CSNK1G2: variants seen among roughly 807,000 people sequenced by gnomAD.
CSNK1G2 encodes casein kinase I isoform gamma-2.
In CSNK1G2, 11 loss-of-function variants were observed where a neutral mutation model predicts 48.0. The observed-to-expected ratio is 0.23, with a 90% CI of 0.14 to 0.38. The LOEUF is 0.38. CSNK1G2 is among the 10% of genes least tolerant of loss of function. The probability of loss-of-function intolerance (pLI) is 1.00; values close to 1 mark genes in which losing one functional copy is unlikely to be tolerated. For synonymous variants in CSNK1G2, 337 were observed against 254.1 expected, an observed-to-expected ratio of 1.33 and a Z score of -3.10; for missense variants, 446 against 595.5, an observed-to-expected ratio of 0.75 and a Z score of 2.61.
intron 2 of CSNK1G2, among the ~76,000 whole-genome samples, chr19:1,973,077 G>C (rs539364041): frequency 6.6e-6 from 1 of 151,436 alleles, no homozygotes; most frequent in Non-Finnish European, 1.5e-5. Flanking sequence ...ACAGCCGCCC[G>C]CCACCACACC....
At chr19:1,967,300 G>A (rs532651156) in intron 1 of CSNK1G2, among the ~76,000 whole-genome samples, 17 of 152,224 alleles carry the variant, frequency 1.1e-4, no homozygotes, top group East Asian at 1.9e-4. Flanking sequence ...TAACATTTTC[G>A]GCGATGGCTG....
chr19:1,961,097 G>A (rs1004196346), intron 1 of CSNK1G2, among the ~76,000 whole-genome samples: 1 of 152,230 alleles, frequency 6.6e-6, no homozygotes, highest in Non-Finnish European at 1.5e-5. Flanking sequence ...CTCTGCGGAA[G>A]TCCCCCTGTC....
At chr19:1,979,424 C>G in intron 8 of CSNK1G2, 21 bp downstream of exon 8, 2 of 1,538,540 alleles carry the variant, frequency 1.3e-6, no homozygotes, top group South Asian at 1.2e-5. Context: ...CCTGCGCCCC[C>G]GCCCTGTGCC....
At chr19:1,952,856 C>T in intron 1 of CSNK1G2, 1 of 396,872 alleles carries the variant, frequency 2.5e-6, no homozygotes, top group Non-Finnish European at 5.0e-6. Flanking sequence ...GTGCCCTTCA[C>T]TCTGCAGCCC....
At position 1,954,354 on chromosome 19, in the gene CSNK1G2, G is replaced by A. The variant is rs530880534; in HGVS notation, c.-266+12936G>A. 216 of 200,864 alleles carry A rather than the reference G, an allele frequency of 1.1e-3. 1 individual carries two copies. Among genetic ancestry groups the A allele is most frequent in the Non-Finnish European group, 4.6e-4 (44 of 94,628 alleles). 12.4% of individuals were successfully genotyped at this position (200,864 alleles called of 1,614,324 possible). On this transcript the variant is annotated intron_variant, in intron 1 of 11. Transcript: ENST00000255641. ...ACCCCTCATTTTCTTTCCTTGGGGT[G>A]CAGATGAATTGGGGTGGCAGGGAAC...
chr19:1,979,452 C>A, intron 8 of CSNK1G2, 43 bp from the exon 9 acceptor site: 4 of 876,848 alleles, frequency 4.6e-6, no homozygotes, highest in South Asian at 1.5e-5. Context: ...CCCCACCCCC[C>A]ACCCCCACCC....
rs755019013 is a variant in CSNK1G2, at chr19:1,978,351, T to TC, written c.228+7dup. 5 of 1,613,026 alleles carry TC rather than the reference T, an allele frequency of 3.1e-6. No individual in the cohort carries two copies. ...AATACGTGGCTATCAAATTGGTGAG[T>TC]CGGCCCCTCCACCCCACCCCCGCTG... is the stretch of plus-strand genomic sequence containing the variant. On this transcript the variant is annotated splice_region_variant and intron_variant, in intron 3 of 11. Coordinates refer to ENST00000255641, the MANE Select transcript of CSNK1G2 (RefSeq NM_001319.7). This position sits in a 1 kb window ranked among gnomAD's most constrained non-coding sequence, Gnocchi z 7.3.
At chr19:1,958,051 A>T (rs1209015901) in intron 1 of CSNK1G2, among the ~76,000 whole-genome samples, 1 of 152,082 alleles carries the variant, frequency 6.6e-6, no homozygotes, top group Non-Finnish European at 1.5e-5. Flanking sequence ...CACTGCCCAC[A>T]TCCTAATGGG....
At chr19:1,953,389 C>T (rs758808386) in intron 1 of CSNK1G2, 8 of 534,098 alleles carry the variant, frequency 1.5e-5, no homozygotes, top group South Asian at 1.1e-4. Flanking sequence ...TTCTCACTTC[C>T]CCCGGAGTCT....
rs2015847104 is a variant in CSNK1G2, at chr19:1,978,589, T to C, written c.299-13T>C. On this transcript the variant is annotated splice_polypyrimidine_tract_variant and intron_variant, in intron 4 of 11. Transcript: ENST00000255641. This position sits in a 1 kb window ranked among gnomAD's most constrained non-coding sequence, Gnocchi z 7.3. ...CTGCCGCCGCACGCCCGTGCGTCTG[T>C]CCTCCGCCGCAGAGGGCGTCCCTCA... 1 of 1,585,514 alleles carries C rather than the reference T, an allele frequency of 6.3e-7. No homozygotes were observed. Among genetic ancestry groups the C allele is most frequent in the Non-Finnish European group, 8.6e-7 (1 of 1,166,692 alleles).
chr19:1,975,462 G>C, intron 2 of CSNK1G2: 1 of 985,462 alleles, frequency 1.0e-6, no homozygotes. Context: ...AACTGGAGAC[G>C]GGAGGGCGTG....
At chr19:1,974,794 G>A (rs1220408350) in intron 2 of CSNK1G2, 1 of 152,312 alleles carries the variant, frequency 6.6e-6, no homozygotes, top group Non-Finnish European at 1.5e-5. Flanking sequence ...AGCTGAAGTA[G>A]AGAATCCAGG....
intron 2 of CSNK1G2, among the ~76,000 whole-genome samples, chr19:1,972,711 C>G (rs1400815823): frequency 6.6e-6 from 1 of 152,144 alleles, no homozygotes; most frequent in Non-Finnish European, 1.5e-5. Context: ...CAACCTCTGC[C>G]TCTCGGGTTC....
chr19:1,947,288 G>C (rs936318424), intron 1 of CSNK1G2, among the ~76,000 whole-genome samples: 18 of 152,230 alleles, frequency 1.2e-4, no homozygotes, highest in African/African-American at 4.1e-4. Flanking sequence ...CCTTGGCCGT[G>C]GTGCTTCAGG....
chr19:1,958,340 C>T (rs905663826), intron 1 of CSNK1G2, among the ~76,000 whole-genome samples: 1 of 151,988 alleles, frequency 6.6e-6, no homozygotes, highest in Non-Finnish European at 1.5e-5. Flanking sequence ...GGCCGTCTTG[C>T]AGGGCTCAGC....
Position 1,979,590 on chromosome 19 carries a change from G to C in CSNK1G2, c.949G>C (p.Asp317His), listed in dbSNP as rs764650976. Reference protein sequence around the residue: ...YLRKLFTDLFDRSGFVFDYEY... With the variant: ...YLRKLFTDLFHRSGFVFDYEY... ...GCGGAAGCTCTTCACCGACCTCTTC[G>C]ACCGCAGTGGCTTCGTGTTCGACTA... Residue 317 changes from aspartate (D) to histidine (H), a missense_variant, in exon 9 of 12, where the codon GAC (aspartate) becomes CAC (histidine). This residue lies in a region of CSNK1G2 where 188 missense variants were observed against 179.6 expected (regional missense o/e 1.05). Coordinates refer to ENST00000255641, the MANE Select transcript of CSNK1G2 (RefSeq NM_001319.7). 99 of 1,607,466 alleles carry C rather than the reference G, an allele frequency of 6.2e-5. No homozygotes were observed. The Admixed American group carries it at 1.6e-3, about 26-fold the overall frequency.
At chr19:1,959,754 C>T (rs887874916) in intron 1 of CSNK1G2, among the ~76,000 whole-genome samples, 1 of 105,334 alleles carries the variant, frequency 9.5e-6, no homozygotes, top group Non-Finnish European at 1.7e-5. Flanking sequence ...TTAGTGCCAC[C>T]GTGGGTCCCC....
Position 1,966,246 on chromosome 19 carries a change from C to T in CSNK1G2, c.-265-3262C>T, listed in dbSNP as rs183222118. The stretch of plus-strand genomic sequence containing the variant: ...CGTTCTAGAGGCTGTGAAGGACACG[C>T]GTGATCCATGGGAGGAGGTAACATG... On this transcript the variant is annotated intron_variant, in intron 1 of 11. Transcript: ENST00000255641. Among the ~76,000 whole-genome samples the T allele has an allele frequency of 3.3e-5, 5 of 152,278 alleles. No homozygotes were observed. The East Asian group carries it at 5.8e-4, about 18-fold the overall frequency.
chr19:1,949,970 G>C (rs955941834), intron 1 of CSNK1G2, among the ~76,000 whole-genome samples: 19 of 152,234 alleles, frequency 1.2e-4, no homozygotes, highest in Non-Finnish European at 2.4e-4. Flanking sequence ...ACAGACAGAT[G>C]GATGTGCTGC....
Sources: gnomAD v4.1 joint callset for allele counts (sites outside exome capture counted in the v4.1 genomes callset) on GRCh38, gnomAD v4.1.1 for gene constraint, gnomAD v4.1.1 regional missense constraint, Gnocchi (gnomAD v3.1) non-coding constraint, MANE v1.5 for transcripts, NCBI Gene and HGNC (gene_info 2026-07-23, HGNC 2026-07-21) for gene names.